PRKN: variants seen among roughly 807,000 people sequenced by gnomAD.
PRKN encodes the protein E3 ubiquitin-protein ligase parkin.
Under a neutral mutation model 59.5 loss-of-function variants are expected in PRKN, and 56 were observed. The observed-to-expected ratio is 0.94, with a 90% CI of 0.76 to 1.18. The LOEUF is 1.18. Among genes scored for constraint, PRKN ranks in the 50% most tolerant of loss-of-function variants. The pLI is 0.00. For missense variants in PRKN, 657 were observed against 596.4 expected (o/e 1.10, Z -1.06); for synonymous variants, 250 against 222.1 (o/e 1.13, Z -1.12).
At position 162,021,461 on chromosome 6, in the gene PRKN, A is replaced by ATATATATATATAT. The variant is rs59250759; in HGVS notation, c.618+32629_618+32630insATATATATATATA. On this transcript the variant is annotated intron_variant, in intron 5 of 11. Coordinates refer to ENST00000366898, the MANE Select transcript of PRKN (RefSeq NM_004562.3). The stretch of plus-strand genomic sequence containing the variant: ...GGAATATATATATATATATATATAT[A>ATATATATATATAT]TTTTTTTTTTTTTTTTCCTTAAGCT... 4.7e-3 allele frequency among the ~76,000 whole-genome samples: 115 copies of ATATATATATATAT among 24,650 alleles called. 1 individual carries two copies. The highest frequency in any genetic ancestry group is 0.01 in the African/African-American group (110 of 10,920). 16.2% of individuals were successfully genotyped at this position (24,650 alleles called of 152,430 possible).
At chr6:162,152,115 A>G (rs998628699) in intron 4 of PRKN, among the ~76,000 whole-genome samples, 1 of 152,174 alleles carries the variant, frequency 6.6e-6, no homozygotes, top group Admixed American at 6.6e-5. Context: ...TAGAATTGGA[A>G]AGAAAGGCTC....
intron 1 of PRKN, among the ~76,000 whole-genome samples, chr6:162,680,913 G>A (rs1779746597): frequency 6.6e-6 from 1 of 152,078 alleles, no homozygotes; most frequent in Admixed American, 6.6e-5. Flanking sequence ...TTTCACAGCA[G>A]CCACAATGTG....
rs577512895 is a variant in PRKN at position 161,565,826 on chromosome 6, G to C, written c.933+3529C>G. ...CTAGCTTCCTGTTACACCAAGAAAAGAGAAACAACCAGCAGAGACCCTACG... is the reference window on the plus strand; with the variant it reads ...CTAGCTTCCTGTTACACCAAGAAAACAGAAACAACCAGCAGAGACCCTACG... On this transcript the variant is annotated intron_variant, in intron 8 of 11. Coordinates refer to ENST00000366898, the MANE Select transcript of PRKN (RefSeq NM_004562.3). Among the ~76,000 whole-genome samples the C allele has an allele frequency of 9.2e-5, 14 of 152,196 alleles. No individual in the cohort carries two copies. In the South Asian group the frequency reaches 2.9e-3, roughly 32 times the overall value.
At chr6:161,443,266 T>C (rs544410784) in intron 9 of PRKN, among the ~76,000 whole-genome samples, 7 of 145,842 alleles carry the variant, frequency 4.8e-5, no homozygotes, top group Admixed American at 1.4e-4. Flanking sequence ...GCCAAGATTA[T>C]ACCACTGCAC....
chr6:161,589,190 A>G (rs2128140263), intron 7 of PRKN, among the ~76,000 whole-genome samples: 1 of 152,360 alleles, frequency 6.6e-6, no homozygotes, highest in Middle Eastern at 3.4e-3. Context: ...CAAGTGCTGC[A>G]GAAGCCAGGG....
intron 1 of PRKN, among the ~76,000 whole-genome samples, chr6:162,725,390 GT>G (rs1487997397): frequency 6.6e-6 from 1 of 152,082 alleles, no homozygotes. Context: ...CCTTTTAATG[GT>G]TTTCACTTTC....
chr6:162,388,645 A>C (rs923718209), intron 2 of PRKN, among the ~76,000 whole-genome samples: 4 of 152,104 alleles, frequency 2.6e-5, no homozygotes, highest in African/African-American at 9.7e-5. Context: ...CAGATGTCTT[A>C]ACAACACTGC....
intron 2 of PRKN, among the ~76,000 whole-genome samples, chr6:162,327,163 T>TC (rs1420008822): frequency 6.6e-6 from 1 of 152,176 alleles, no homozygotes; most frequent in East Asian, 1.9e-4. Flanking sequence ...TTCTTCTCTC[T>TC]GAACATGGAA....
rs1562603999 is a variant in PRKN at position 161,680,764 on chromosome 6, TA to T, written c.871+105007del. On this transcript the variant is annotated intron_variant, in intron 7 of 11. Transcript: ENST00000366898. ...ATATATATATATATATATATATATA[TA>T]TATATATATATTTTTTTTTTTTTTT... Among the ~76,000 whole-genome samples, 75 of 18,500 alleles carry T rather than the reference TA, an allele frequency of 4.1e-3. 3 individuals are homozygous for T. Among genetic ancestry groups the T allele is most frequent in the African/African-American group, 7.4e-3 (43 of 5,780 alleles). 12.1% of individuals were successfully genotyped at this position (18,500 alleles called of 152,430 possible). A position where few individuals can be genotyped will look rare whatever the true frequency, so the allele number is the denominator to read the frequency against.
chr6:161,521,510 A>G (rs993185809), intron 9 of PRKN, among the ~76,000 whole-genome samples: 4 of 152,222 alleles, frequency 2.6e-5, no homozygotes, highest in Admixed American at 6.5e-5. Context: ...TGTCATTTTC[A>G]TATTTGAGCA....
At chr6:162,681,364 G>A (rs1008799744) in intron 1 of PRKN, among the ~76,000 whole-genome samples, 21 of 152,146 alleles carry the variant, frequency 1.4e-4, no homozygotes, top group Non-Finnish European at 1.8e-4. Context: ...TGATGAAATT[G>A]AGGCAGGAGA....
intron 1 of PRKN, among the ~76,000 whole-genome samples, chr6:162,567,709 C>A (rs1304476838): frequency 6.6e-6 from 1 of 152,134 alleles, no homozygotes; most frequent in East Asian, 1.9e-4. Context: ...TCTACAGTTT[C>A]AGTGCAATCT....
intron 1 of PRKN, among the ~76,000 whole-genome samples, chr6:162,638,405 C>G (rs900138825): frequency 1.3e-5 from 2 of 152,120 alleles, no homozygotes; most frequent in Non-Finnish European, 2.9e-5. Context: ...AACTCTGTCT[C>G]CCTGGTAACA....
intron 1 of PRKN, among the ~76,000 whole-genome samples, chr6:162,466,363 AT>A (rs1427942340): frequency 6.6e-6 from 1 of 152,142 alleles, no homozygotes; most frequent in Non-Finnish European, 1.5e-5. Flanking sequence ...ATTCCCAGGC[AT>A]TATATTATTA....
At chr6:162,359,079 A>AAATATATATAT (rs57265104) in intron 2 of PRKN, among the ~76,000 whole-genome samples, 1 of 83,274 alleles carries the variant, frequency 1.2e-5, no homozygotes, top group East Asian at 2.8e-4. Context: ...AAAAAAAAAA[A>AAATATATATAT]ATATATATAT....
At chr6:161,930,258 T>A (rs964430699) in intron 6 of PRKN, among the ~76,000 whole-genome samples, 2 of 152,190 alleles carry the variant, frequency 1.3e-5, no homozygotes, top group Non-Finnish European at 2.9e-5. Context: ...CCTAAAAAAA[T>A]TTATAAGTTA....
At chr6:161,597,096 C>T (rs573281926) in intron 7 of PRKN, among the ~76,000 whole-genome samples, 63 of 152,268 alleles carry the variant, frequency 4.1e-4, no homozygotes, top group Non-Finnish European at 6.5e-4. Context: ...TTGGGCCTCA[C>T]GCTTTTCTTC....
intron 1 of PRKN, among the ~76,000 whole-genome samples, chr6:162,646,276 T>A (rs921832074): frequency 6.6e-6 from 1 of 151,700 alleles, no homozygotes; most frequent in South Asian, 2.1e-4. Context: ...CAAAGTTTTT[T>A]TTTTTATTTT....
intron 8 of PRKN, among the ~76,000 whole-genome samples, chr6:161,567,236 C>A (rs1780687878): frequency 6.6e-6 from 1 of 151,968 alleles, no homozygotes. Context: ...GATGTGGTTT[C>A]ACTATTTCAC....
Sources: gnomAD v4.1 joint callset for allele counts (sites outside exome capture counted in the v4.1 genomes callset) on GRCh38, gnomAD v4.1.1 for gene constraint, MANE v1.5 for transcripts, NCBI Gene and HGNC (gene_info 2026-07-23, HGNC 2026-07-21) for gene names.